The following BCLAF1 variants were observed in gnomAD, a reference collection of about 807,000 sequenced individuals.
BCLAF1 encodes the protein BCL2 associated transcription factor 1.
BCLAF1 carries 10 observed loss-of-function variants against 99.5 expected under a neutral mutation model. That is an observed-to-expected ratio of 0.10 (90% confidence interval 0.06 to 0.17). The LOEUF is 0.17. Ranked by LOEUF, BCLAF1 falls within the 10% of genes least tolerant of loss-of-function variation. The pLI, the probability that BCLAF1 is intolerant of heterozygous loss-of-function variation, is 1.00. For synonymous variants in BCLAF1, 255 were observed against 370.9 expected (o/e 0.69, Z 3.59); for missense variants, 636 against 1,105.8 (o/e 0.58, Z 6.02).
chr6:136,256,700 T>C lies in BCLAF1; in HGVS notation c.*4410A>G, dbSNP rs1466080700. ...ATAAATAAATAAATAAATAAATAAATAAATAAATAATTCAAAGTGCATTTA... is the reference window on the plus strand; with the variant it reads ...ATAAATAAATAAATAAATAAATAAACAAATAAATAATTCAAAGTGCATTTA... On this transcript the variant is annotated 3_prime_UTR_variant, in exon 13 of 13. Coordinates refer to ENST00000531224, the MANE Select transcript of BCLAF1 (RefSeq NM_014739.3). The C allele has an allele frequency of 6.2e-6, 1 of 160,898 alleles. No homozygotes were observed. The highest frequency in any genetic ancestry group is 1.3e-5 in the Non-Finnish European group (1 of 78,044). 10.0% of individuals were successfully genotyped at this position (160,898 alleles called of 1,614,324 possible).
intron 1 of BCLAF1, among the ~76,000 whole-genome samples, chr6:136,289,423 G>A (rs1426622993): frequency 5.9e-5 from 9 of 152,164 alleles, no homozygotes; most frequent in Non-Finnish European, 1.5e-5. Flanking sequence ...GGAAGAGGAA[G>A]ATATGCGCAC....
chr6:136,273,105 C>A lies in BCLAF1; in HGVS notation c.1935G>T (p.Arg645=), dbSNP rs142595249. 3.8e-4 allele frequency: 615 copies of A among 1,611,512 alleles called. No homozygotes were observed. Among genetic ancestry groups the A allele is most frequent in the Non-Finnish European group, 5.0e-4 (586 of 1,178,414 alleles). The change falls in exon 7 of 13, where the codon CGG becomes CGT. Residue 645 remains arginine (R), a synonymous_variant. Coordinates refer to ENST00000531224, the MANE Select transcript of BCLAF1 (RefSeq NM_014739.3). The part of the protein sequence containing the change: ...YQKATEEHST[R]QKSPEIHRRI... The stretch of plus-strand genomic sequence containing the variant: ...ACCTGTGTATTTCAGGGCTCTTTTG[C>A]CGAGTACTATGTTCTTCAGTGGCTT...
intron 11 of BCLAF1, among the ~76,000 whole-genome samples, chr6:136,264,629 C>G (rs1781471926): frequency 6.6e-6 from 1 of 152,170 alleles, no homozygotes; most frequent in African/African-American, 2.4e-5. Context: ...TCATATTTTT[C>G]CTTCTTTTCC....
chr6:136,273,850 G>A (rs1175041406), intron 6 of BCLAF1: 1 of 545,630 alleles, frequency 1.8e-6, no homozygotes, highest in Non-Finnish European at 2.5e-6. Flanking sequence ...ACCAGTTCAA[G>A]ATATGTTGTA....
At chr6:136,271,068 C>T (rs1231544078) in intron 8 of BCLAF1, among the ~76,000 whole-genome samples, 1 of 151,710 alleles carries the variant, frequency 6.6e-6, no homozygotes, top group Non-Finnish European at 1.5e-5. Flanking sequence ...AACTTGTATA[C>T]TACCACTGTC....
intron 1 of BCLAF1, among the ~76,000 whole-genome samples, chr6:136,289,469 G>A (rs913826478): frequency 2.0e-5 from 3 of 152,062 alleles, no homozygotes; most frequent in African/African-American, 7.2e-5. Context: ...GGGTCTCCAG[G>A]CAGGTTCGCA....
At chr6:136,285,183 C>T (rs1784968663) in intron 1 of BCLAF1, among the ~76,000 whole-genome samples, 1 of 151,920 alleles carries the variant, frequency 6.6e-6, no homozygotes, top group Admixed American at 6.6e-5. Context: ...GGGTGAGTCA[C>T]TCATCTGATT....
chr6:136,283,325 T>G (rs1784632602), intron 1 of BCLAF1, among the ~76,000 whole-genome samples: 1 of 152,142 alleles, frequency 6.6e-6, no homozygotes, highest in Non-Finnish European at 1.5e-5. Flanking sequence ...CATGTGAAAC[T>G]GATTTTTAAA....
chr6:136,283,486 A>G (rs774605481), intron 1 of BCLAF1, among the ~76,000 whole-genome samples: 47 of 152,228 alleles, frequency 3.1e-4, no homozygotes, highest in Non-Finnish European at 3.1e-4. Context: ...TAATCTGTAA[A>G]TAAACTTTGC....
intron 11 of BCLAF1, among the ~76,000 whole-genome samples, chr6:136,266,630 T>C (rs1433153505): frequency 6.6e-6 from 1 of 152,118 alleles, no homozygotes; most frequent in African/African-American, 2.4e-5. Flanking sequence ...ACACGTACTT[T>C]GAAAAAATTA....
At chr6:136,263,135 G>A (rs1781250155) in intron 11 of BCLAF1, among the ~76,000 whole-genome samples, 1 of 152,058 alleles carries the variant, frequency 6.6e-6, no homozygotes, top group Non-Finnish European at 1.5e-5. Flanking sequence ...TAGTATTACT[G>A]CCCTCACTTT....
chr6:136,289,168 T>C (rs546778012), intron 1 of BCLAF1, among the ~76,000 whole-genome samples: 33 of 152,318 alleles, frequency 2.2e-4, no homozygotes, highest in Admixed American at 2.1e-3. Context: ...AGGGCAGTTT[T>C]AAAGACCACG....
chr6:136,287,556 CA>C (rs1343224745), intron 1 of BCLAF1, among the ~76,000 whole-genome samples: 1 of 152,178 alleles, frequency 6.6e-6, no homozygotes, highest in Non-Finnish European at 1.5e-5. Flanking sequence ...TGGTAAATAA[CA>C]AATCACTGTA....
chr6:136,271,097 C>T (rs1397858545), intron 8 of BCLAF1, among the ~76,000 whole-genome samples: 1 of 151,694 alleles, frequency 6.6e-6, no homozygotes, highest in East Asian at 1.9e-4. Context: ...CTTCTAGTAA[C>T]AAACGTGCCT....
intron 4 of BCLAF1, 143 bp downstream of exon 4, chr6:136,277,722 A>G: frequency 8.9e-7 from 1 of 1,119,256 alleles, no homozygotes; most frequent in Non-Finnish European, 1.2e-6. Context: ...AGTAAAAACA[A>G]TTTGGAATTA....
At chr6:136,287,362 A>C (rs1199823127) in intron 1 of BCLAF1, among the ~76,000 whole-genome samples, 9 of 152,198 alleles carry the variant, frequency 5.9e-5, no homozygotes, top group Admixed American at 5.9e-4. Flanking sequence ...AATATTACAC[A>C]AATATAATCT....
chr6:136,273,996 C>G, intron 6 of BCLAF1: 1 of 1,248,320 alleles, frequency 8.0e-7, no homozygotes, highest in Non-Finnish European at 1.0e-6. Flanking sequence ...CATAACCAAT[C>G]ATTAAAACTT....
intron 6 of BCLAF1, among the ~76,000 whole-genome samples, chr6:136,274,426 T>C (rs926350447): frequency 6.6e-6 from 1 of 151,734 alleles, no homozygotes; most frequent in Non-Finnish European, 1.5e-5. Flanking sequence ...AAAAAGAATG[T>C]TTCATATTTT....
chr6:136,271,955 C>G, intron 8 of BCLAF1, 40 bp downstream of exon 8: 1 of 1,431,702 alleles, frequency 7.0e-7, no homozygotes, highest in Non-Finnish European at 9.8e-7. Flanking sequence ...ATTAACTAAG[C>G]TGAACTTAAC....
Sources: allele counts gnomAD v4.1 joint callset (sites outside exome capture counted in the v4.1 genomes callset), GRCh38; gene constraint gnomAD v4.1.1; transcripts MANE v1.5; gene names NCBI Gene and HGNC (gene_info 2026-07-23, HGNC 2026-07-21).